Variants in P3H2 observed in about 807,000 individuals in gnomAD.
P3H2 encodes leprecan-like 1.
A neutral mutation model predicts 87.0 loss-of-function variants in P3H2; 80 were observed. The observed-to-expected ratio is 0.92, with a 90% CI of 0.77 to 1.11. The LOEUF (loss-of-function observed/expected upper bound fraction) is 1.11. P3H2 is among the 50% of genes least tolerant of loss of function. P3H2 has a pLI of 0.00. For synonymous variants in P3H2, 367 were observed against 359.3 expected, an observed-to-expected ratio of 1.02 and a Z score of -0.24; for missense variants, 1,001 against 923.9, an observed-to-expected ratio of 1.08 and a Z score of -1.08.
chr3:190,116,868 A>G (rs1333344527), intron 1 of P3H2, among the ~76,000 whole-genome samples: 2 of 152,250 alleles, frequency 1.3e-5, no homozygotes, highest in Non-Finnish European at 2.9e-5. Context: ...CTACTGCCTC[A>G]TAGCTGTCTA....
chr3:190,099,342 G>GT (rs1711537721), intron 1 of P3H2, among the ~76,000 whole-genome samples: 1 of 152,170 alleles, frequency 6.6e-6, no homozygotes, highest in South Asian at 2.1e-4. Context: ...ACTACCACAT[G>GT]TTTAGATACA....
intron 1 of P3H2, among the ~76,000 whole-genome samples, chr3:190,003,898 T>C (rs141564876): frequency 6.6e-6 from 1 of 152,372 alleles, no homozygotes; most frequent in East Asian, 1.9e-4. Flanking sequence ...TTCCTGCTAC[T>C]GTTTTTGGAA....
At chr3:190,009,374 A>G (rs769784358) in intron 1 of P3H2, among the ~76,000 whole-genome samples, 11 of 152,216 alleles carry the variant, frequency 7.2e-5, no homozygotes, top group Non-Finnish European at 4.4e-5. Context: ...TTGTTCGAGT[A>G]GCATAGGATG....
intron 13 of P3H2, among the ~76,000 whole-genome samples, chr3:189,965,207 G>T (rs1722936561): frequency 6.6e-6 from 1 of 152,194 alleles, no homozygotes; most frequent in South Asian, 2.1e-4. Context: ...GTTTTTCACT[G>T]CTAGCTTCAG....
At chr3:190,119,236 G>C (rs907109088) in intron 1 of P3H2, among the ~76,000 whole-genome samples, 2 of 150,280 alleles carry the variant, frequency 1.3e-5, no homozygotes, top group African/African-American at 4.9e-5. Flanking sequence ...GAGCACAGCA[G>C]AGCAGAGCAG....
intron 1 of P3H2, among the ~76,000 whole-genome samples, chr3:190,037,040 C>A (rs1481541652): frequency 6.6e-6 from 1 of 151,900 alleles, no homozygotes; most frequent in African/African-American, 2.4e-5. Context: ...GAAGCCCAAA[C>A]AATAGTAATA....
In P3H2 at chr3:189,983,130, C is replaced by T. The variant is rs1249661376; in HGVS notation, c.1240G>A (p.Gly414Arg). 5.0e-6 allele frequency: 8 copies of T among 1,613,470 alleles called. No individual in the cohort carries two copies. The highest frequency in any genetic ancestry group is 5.9e-6 in the Non-Finnish European group (7 of 1,179,604). Residue 414 changes from glycine (G) to arginine (R), a missense_variant, in exon 8 of 15, where the codon GGA (glycine) becomes AGA (arginine). By Grantham distance (125) the Gly-to-Arg change is moderately radical. Coordinates refer to ENST00000319332, the MANE Select transcript of P3H2 (RefSeq NM_018192.4). ...GRQDENRVPS[G>R]VNVEGAEVHG... ...ACTTCTGCTCCCTCTACGTTCACTCCTGAAGGGACCCTGCCCATTCAAAAA... is the reference window on the plus strand; with the variant it reads ...ACTTCTGCTCCCTCTACGTTCACTCTTGAAGGGACCCTGCCCATTCAAAAA...
At chr3:190,118,260 A>G (rs1712373726) in intron 1 of P3H2, among the ~76,000 whole-genome samples, 1 of 152,108 alleles carries the variant, frequency 6.6e-6, no homozygotes, top group South Asian at 2.1e-4. Context: ...GACCTTGACT[A>G]TGTATTCTTT....
In P3H2 at chr3:190,023,116, A is replaced by G. The variant is rs577436889; in HGVS notation, c.481-27674T>C. Among the ~76,000 whole-genome samples the G allele has an allele frequency of 7.8e-4, 118 of 152,180 alleles. 2 individuals carry two copies. The highest frequency in any genetic ancestry group is 1.5e-3 in the African/African-American group (62 of 41,534). On this transcript the variant is annotated intron_variant, in intron 1 of 14. Coordinates refer to ENST00000319332, the MANE Select transcript of P3H2 (RefSeq NM_018192.4). ...GCTGGGATTACAGGTGTGAGCCACC[A>G]CGCCCAGCCAAAATATATACATATA...
At chr3:189,962,161 CTTTTT>C (rs770628547) in intron 14 of P3H2, among the ~76,000 whole-genome samples, 28 of 87,614 alleles carry the variant, frequency 3.2e-4, no homozygotes, top group East Asian at 3.8e-4. Context: ...TCTTCTTCTT[CTTTTT>C]TTTTTTTTTT....
chr3:190,078,600 T>A (rs933761432), intron 1 of P3H2, among the ~76,000 whole-genome samples: 4 of 152,078 alleles, frequency 2.6e-5, no homozygotes, highest in African/African-American at 7.2e-5. Flanking sequence ...AATAGCCCCA[T>A]GAGACAAGGG....
chr3:190,059,812 T>C (rs979302411), intron 1 of P3H2, among the ~76,000 whole-genome samples: 18 of 152,188 alleles, frequency 1.2e-4, no homozygotes, highest in Non-Finnish European at 2.1e-4. Context: ...TGTCTTCTTG[T>C]TCACAAGTCT....
chr3:190,122,096 A>G (rs1577336103), upstream of P3H2: 1 of 147,788 alleles, frequency 6.8e-6, no homozygotes, highest in South Asian at 2.2e-4. Flanking sequence ...CAAAAAAAAC[A>G]AAGAAAAAGA....
At chr3:189,982,505 G>T (rs150691169) in intron 8 of P3H2, among the ~76,000 whole-genome samples, 78 of 152,222 alleles carry the variant, frequency 5.1e-4, no homozygotes, top group African/African-American at 1.7e-3. Context: ...CGCTCGCTTC[G>T]TCTCTGTGCC....
chr3:190,100,261 C>CCACAAA (rs1491211454), intron 1 of P3H2, among the ~76,000 whole-genome samples: 11 of 130,932 alleles, frequency 8.4e-5, no homozygotes, highest in African/African-American at 1.3e-4. Flanking sequence ...CCCCCCCCCC[C>CCACAAA]AAAAAAAACA....
chr3:189,960,659 T>C (rs780189470), intron 14 of P3H2, among the ~76,000 whole-genome samples: 19 of 152,254 alleles, frequency 1.2e-4, no homozygotes, highest in Non-Finnish European at 2.4e-4. Flanking sequence ...GTCCTTGTAT[T>C]ATTTCTCCAA....
chr3:189,995,546 A>T, intron 1 of P3H2, 104 bp from the exon 2 acceptor site: 6 of 1,067,126 alleles, frequency 5.6e-6, no homozygotes, highest in Non-Finnish European at 5.2e-6. Context: ...GAATGAAACT[A>T]GGAGCCTTGG....
chr3:190,036,582 G>A (rs1457976986), intron 1 of P3H2, among the ~76,000 whole-genome samples: 1 of 152,084 alleles, frequency 6.6e-6, no homozygotes, highest in Non-Finnish European at 1.5e-5. Context: ...ATTATGACTT[G>A]CTTAAGATTG....
intron 1 of P3H2, among the ~76,000 whole-genome samples, chr3:190,006,257 T>A (rs528875249): frequency 6.6e-6 from 1 of 152,238 alleles, no homozygotes; most frequent in East Asian, 1.9e-4. Flanking sequence ...TAGGGCTGGA[T>A]AGACTATTTA....
Sources: allele counts gnomAD v4.1 joint callset (sites outside exome capture counted in the v4.1 genomes callset), GRCh38; gene constraint gnomAD v4.1.1; transcripts MANE v1.5; gene names NCBI Gene and HGNC (gene_info 2026-07-23, HGNC 2026-07-21).